MAPRE1: variants seen among roughly 807,000 people sequenced by gnomAD.
MAPRE1 encodes the protein microtubule associated protein RP/EB family member 1.
Under a neutral mutation model 32.1 loss-of-function variants are expected in MAPRE1, and 5 were observed. The observed-to-expected ratio is 0.16, with a 90% CI of 0.08 to 0.33. The LOEUF (loss-of-function observed/expected upper bound fraction) is 0.33, where lower values mean the gene tolerates loss of function less well. Ranked by LOEUF, MAPRE1 falls within the 10% of genes least tolerant of loss-of-function variation. MAPRE1 has a pLI of 1.00. For synonymous variants in MAPRE1, 122 were observed against 118.9 expected, an observed-to-expected ratio of 1.03 and a Z score of -0.17; for missense variants, 209 against 327.2, an observed-to-expected ratio of 0.64 and a Z score of 2.79.
chr20:32,821,453 C>T (rs966640714), intron 1 of MAPRE1, among the ~76,000 whole-genome samples: 1 of 152,222 alleles, frequency 6.6e-6, no homozygotes, highest in Non-Finnish European at 1.5e-5. Context: ...ACACTTTCTC[C>T]CTGAGGTCCA....
chr20:32,821,024 C>CTT (rs35886111), intron 1 of MAPRE1, among the ~76,000 whole-genome samples: 201 of 140,646 alleles, frequency 1.4e-3, no homozygotes, highest in Middle Eastern at 3.7e-3. Flanking sequence ...TCTCTTCTTC[C>CTT]TTTTTTTTTT....
In MAPRE1 at chr20:32,836,870, A is replaced by G; in HGVS notation, c.475+29A>G. 3 of 1,562,720 alleles carry G rather than the reference A, an allele frequency of 1.9e-6. No individual in the cohort carries two copies. The South Asian group carries it at 3.5e-5, about 18-fold the overall frequency. On this transcript the variant is annotated intron_variant, in intron 4 of 6. Coordinates refer to ENST00000375571, the MANE Select transcript of MAPRE1 (RefSeq NM_012325.3). ...AAAAAACAACCCCAAAACGTTTCCA[A>G]AAAATAGCGTTCCAGATATTCATTC...
intron 5 of MAPRE1, among the ~76,000 whole-genome samples, chr20:32,845,153 G>A (rs1393232009): frequency 6.6e-6 from 1 of 152,170 alleles, no homozygotes; most frequent in Admixed American, 6.5e-5. Flanking sequence ...CAATGTTCCT[G>A]CTTCAGCCTC....
At chr20:32,842,660 C>A (rs1316148107) in intron 5 of MAPRE1, among the ~76,000 whole-genome samples, 2 of 152,182 alleles carry the variant, frequency 1.3e-5, no homozygotes. Context: ...AAGTACTCAC[C>A]AGATAATGAC....
intron 6 of MAPRE1, among the ~76,000 whole-genome samples, chr20:32,848,465 C>T (rs965250935): frequency 5.3e-5 from 8 of 152,184 alleles, no homozygotes; most frequent in Admixed American, 2.6e-4. Flanking sequence ...GCATCACTTT[C>T]AAAAGTTTGA....
Position 32,839,783 on chromosome 20 carries a change from C to T in MAPRE1, c.524C>T (p.Ala175Val). 6.2e-7 allele frequency: 1 copy of T among 1,614,240 alleles called. No individual in the cohort carries two copies. Among genetic ancestry groups the T allele is most frequent in the Non-Finnish European group, 8.5e-7 (1 of 1,180,052 alleles). The change falls in exon 5 of 7, where the codon GCT becomes GTT. Residue 175 changes from alanine to valine, a missense_variant. Coordinates refer to ENST00000375571, the MANE Select transcript of MAPRE1 (RefSeq NM_012325.3). Reference sequence around the variant, plus strand: ...CAGAGAACCGCTGCGGCTCCTAAGGCTGGCCCTGGTGTGGTGCGAAAGAAC... The same window carrying T: ...CAGAGAACCGCTGCGGCTCCTAAGGTTGGCCCTGGTGTGGTGCGAAAGAAC... ...STQRTAAAPK[A>V]GPGVVRKNPG...
At chr20:32,833,351 A>C (rs949979298) in intron 2 of MAPRE1, among the ~76,000 whole-genome samples, 1 of 152,238 alleles carries the variant, frequency 6.6e-6, no homozygotes, top group Non-Finnish European at 1.5e-5. Context: ...TATCTTTGTG[A>C]AAAATCAGAA....
chr20:32,839,618 C>G, intron 4 of MAPRE1, 117 bp from the exon 5 acceptor site: 1 of 1,414,124 alleles, frequency 7.1e-7, no homozygotes, highest in Non-Finnish European at 9.6e-7. Flanking sequence ...CATTGGTTCC[C>G]TTCACTGAAC....
intron 2 of MAPRE1, among the ~76,000 whole-genome samples, chr20:32,831,296 A>ATG (rs1399414227): frequency 6.6e-6 from 1 of 152,100 alleles, no homozygotes; most frequent in African/African-American, 2.4e-5. Flanking sequence ...AAAAAGAAAC[A>ATG]TGAAGAGAAT....
intron 2 of MAPRE1, among the ~76,000 whole-genome samples, chr20:32,830,479 ATCTT>A (rs1194910100): frequency 6.6e-6 from 1 of 152,094 alleles, no homozygotes; most frequent in East Asian, 1.9e-4. Flanking sequence ...CCATGATTCC[ATCTT>A]TCTTCCAGTG....
intron 3 of MAPRE1, among the ~76,000 whole-genome samples, chr20:32,834,626 GTTT>G (rs746380174): frequency 2.7e-5 from 4 of 150,488 alleles, no homozygotes; most frequent in Admixed American, 2.7e-4. Context: ...TGAAATCAGG[GTTT>G]TTTTTTAATT....
intron 6 of MAPRE1, among the ~76,000 whole-genome samples, chr20:32,847,377 C>T (rs530925535): frequency 5.9e-5 from 9 of 152,162 alleles, no homozygotes; most frequent in Non-Finnish European, 1.0e-4. Context: ...GATTGTTATC[C>T]GGCTGTGTCC....
chr20:32,843,082 C>A (rs1983408212), intron 5 of MAPRE1: 1 of 152,152 alleles, frequency 6.6e-6, no homozygotes, highest in Non-Finnish European at 1.5e-5. Flanking sequence ...AATGCTCATA[C>A]CCAGCTGGTT....
rs368045760 is a variant in MAPRE1 at position 32,833,704 on chromosome 20, G to C, written c.122-13G>C. The C allele has an allele frequency of 2.5e-6, 4 of 1,602,418 alleles. No individual in the cohort carries two copies. The highest frequency in any genetic ancestry group is 2.7e-5 in the African/African-American group (2 of 74,634). ...TCTTTAATTGTATTTTTCTGTTGCC[G>C]TTGTTCTTTCAGGGGCTGCGTATTG... On this transcript the variant is annotated splice_polypyrimidine_tract_variant and intron_variant, in intron 2 of 6. Coordinates refer to ENST00000375571, the MANE Select transcript of MAPRE1 (RefSeq NM_012325.3).
chr20:32,821,490 G>T (rs2146118524), intron 1 of MAPRE1, among the ~76,000 whole-genome samples: 1 of 152,334 alleles, frequency 6.6e-6, no homozygotes, highest in Admixed American at 6.5e-5. Context: ...TGTGCCCTTT[G>T]TGGTGGTGCG....
At chr20:32,848,636 T>A (rs1413461036) in intron 6 of MAPRE1, 36 bp from the exon 7 acceptor site, 2 of 1,560,116 alleles carry the variant, frequency 1.3e-6, no homozygotes, top group South Asian at 2.3e-5. Flanking sequence ...GAAATGGATC[T>A]TTCAGTGGCT....
intron 2 of MAPRE1, among the ~76,000 whole-genome samples, chr20:32,829,349 G>T (rs535495044): frequency 6.6e-6 from 1 of 152,178 alleles, no homozygotes; most frequent in East Asian, 1.9e-4. Context: ...CTTGAAAGCC[G>T]TATAAGATGT....
intron 2 of MAPRE1, among the ~76,000 whole-genome samples, chr20:32,827,396 G>A (rs1365284497): frequency 2.0e-5 from 3 of 151,828 alleles, no homozygotes; most frequent in Non-Finnish European, 4.4e-5. Context: ...TGATAAGAGC[G>A]AGACTCCGTC....
rs1283063954 is a variant in MAPRE1, at chr20:32,825,909, T to G, written c.-3-16T>G. 1.3e-6 allele frequency: 2 copies of G among 1,573,622 alleles called. No homozygotes were observed. The highest frequency in any genetic ancestry group is 1.7e-6 in the Non-Finnish European group (2 of 1,148,944). On this transcript the variant is annotated splice_polypyrimidine_tract_variant and intron_variant, in intron 1 of 6. Transcript: ENST00000375571. ...TAATGTAACACAGGCCCTTCTCTTT[T>G]CTTCCCATGCTTTAGAAGATGGCAG...
Sources: gnomAD v4.1 joint callset for allele counts (sites outside exome capture counted in the v4.1 genomes callset) on GRCh38, gnomAD v4.1.1 for gene constraint, MANE v1.5 for transcripts, NCBI Gene and HGNC (gene_info 2026-07-23, HGNC 2026-07-21) for gene names.